The following PTPN13 variants were observed in gnomAD, a reference collection of about 807,000 sequenced individuals.
PTPN13 encodes protein tyrosine phosphatase non-receptor type 13, also known as tyrosine-protein phosphatase non-receptor type 13.
Under a neutral mutation model 284.0 loss-of-function variants are expected in PTPN13, and 191 were observed. That is an observed-to-expected ratio of 0.67 (90% CI 0.60 to 0.76). PTPN13 has a LOEUF of 0.76. Among genes scored for constraint, PTPN13 ranks in the 30% least tolerant of loss-of-function variants. The pLI is 0.00. For missense variants in PTPN13, 2,797 were observed against 2,939.9 expected, an observed-to-expected ratio of 0.95 and a Z score of 1.12; for synonymous variants, 986 against 1,022.3, an observed-to-expected ratio of 0.96 and a Z score of 0.68.
intron 3 of PTPN13, among the ~76,000 whole-genome samples, chr4:86,686,307 A>T (rs1565322250): frequency 6.6e-6 from 1 of 151,946 alleles, no homozygotes; most frequent in Non-Finnish European, 1.5e-5. Flanking sequence ...GTGAGCCGAG[A>T]TTGTGCCACT....
chr4:86,604,727 A>G (rs1041310630), intron 1 of PTPN13, among the ~76,000 whole-genome samples: 2 of 151,970 alleles, frequency 1.3e-5, no homozygotes, highest in African/African-American at 4.8e-5. Context: ...AAATACATTT[A>G]TTTTTTTAAT....
At chr4:86,787,458 G>A (rs1245238015) in intron 40 of PTPN13, among the ~76,000 whole-genome samples, 1 of 151,996 alleles carries the variant, frequency 6.6e-6, no homozygotes, top group Non-Finnish European at 1.5e-5. Flanking sequence ...CGGGCAAGGT[G>A]GTACATGCCT....
intron 1 of PTPN13, among the ~76,000 whole-genome samples, chr4:86,624,551 A>G (rs577717677): frequency 6.6e-6 from 1 of 152,282 alleles, no homozygotes; most frequent in South Asian, 2.1e-4. Context: ...TGAGCATGGT[A>G]AGGAAGTATT....
intron 1 of PTPN13, among the ~76,000 whole-genome samples, chr4:86,600,932 TGTCA>T (rs1398219189): frequency 4.6e-5 from 7 of 152,110 alleles, no homozygotes; most frequent in Non-Finnish European, 1.0e-4. Flanking sequence ...TAAATTCCCT[TGTCA>T]GTGTCTTTTA....
At chr4:86,648,883 C>T (rs75983921) in intron 2 of PTPN13, among the ~76,000 whole-genome samples, 7,045 of 152,196 alleles carry the variant, frequency 0.046, 218 homozygotes, top group African/African-American at 0.06. Context: ...CTTATCCTCA[C>T]CAACATTTAT....
At chr4:86,682,927 G>A (rs1225897137) in intron 3 of PTPN13, among the ~76,000 whole-genome samples, 4 of 152,136 alleles carry the variant, frequency 2.6e-5, no homozygotes, top group Admixed American at 2.0e-4. Flanking sequence ...GTATTACCAT[G>A]TTATTTTAAC....
chr4:86,750,560 G>A lies in PTPN13; in HGVS notation c.2741G>A (p.Ser914Asn), dbSNP rs1737269460. The A allele has an allele frequency of 6.2e-7, 1 of 1,613,828 alleles. No individual in the cohort carries two copies. The highest frequency in any genetic ancestry group is 1.3e-5 in the African/African-American group (1 of 74,900). ...GCAATCAGCACTGGCAGTCTGGCCA[G>A]CAGCACCCTCAACAAACTTGCTGTT... Reference protein sequence around the residue: ...GRAISTGSLASSTLNKLAVRP... With the variant: ...GRAISTGSLANSTLNKLAVRP... The change falls in exon 18 of 48, where the codon AGC (serine) becomes AAC (asparagine). Residue 914 changes from serine (S) to asparagine (N), a missense_variant. Transcript: ENST00000411767.
At position 86,782,181 on chromosome 4, in the gene PTPN13, T is replaced by A; in HGVS notation, c.5963-20T>A. ...GGTTTGGATTGGCTCATCCCCTTAC[T>A]TCCTATATTGTCCTTTCAGGTTCCT... On this transcript the variant is annotated intron_variant, in intron 36 of 47. Transcript: ENST00000411767. 6.4e-7 allele frequency: 1 copy of A among 1,569,564 alleles called. No individual in the cohort carries two copies.
chr4:86,687,910 A>G (rs1016808758), intron 4 of PTPN13, among the ~76,000 whole-genome samples: 1 of 152,154 alleles, frequency 6.6e-6, no homozygotes, highest in African/African-American at 2.4e-5. Context: ...GATATTTTGG[A>G]AATATTTAAT....
intron 10 of PTPN13, among the ~76,000 whole-genome samples, chr4:86,729,625 TC>T (rs2149118462): frequency 6.7e-6 from 1 of 149,916 alleles, no homozygotes; most frequent in South Asian, 2.1e-4. Context: ...TTCCACTTGA[TC>T]AAATCAGCTA....
intron 3 of PTPN13, among the ~76,000 whole-genome samples, chr4:86,680,652 C>G (rs1166981455): frequency 1.3e-5 from 2 of 152,066 alleles, no homozygotes; most frequent in African/African-American, 4.8e-5. Context: ...GGGTCTTTTC[C>G]CCTCAAAAAC....
chr4:86,780,518 T>C, intron 36 of PTPN13, 46 bp downstream of exon 36: 1 of 1,284,740 alleles, frequency 7.8e-7, no homozygotes, highest in Non-Finnish European at 1.1e-6. Flanking sequence ...GTAATGGGAA[T>C]GTAAAATGGC....
Position 86,805,350 on chromosome 4 carries a change from A to T in PTPN13, c.6726A>T (p.Arg2242Ser), listed in dbSNP as rs751062609. The change falls in exon 44 of 48, where the codon AGA becomes AGT. Residue 2242 changes from arginine to serine, a missense_variant. Arg to Ser is a moderately radical substitution (Grantham distance 110). Transcript: ENST00000411767. ...GQTKENRRKN[R>S]YKNILPYDAT... ...CTAAGGAAAACAGAAGGAAGAACAG[A>T]TATAAAAATATACTTCCCTGTAAGT... 6.3e-7 allele frequency: 1 copy of T among 1,587,204 alleles called. No individual in the cohort carries two copies. Among genetic ancestry groups the T allele is most frequent in the South Asian group, 1.1e-5 (1 of 89,444 alleles).
chr4:86,730,570 G>A (rs963760624), intron 10 of PTPN13, among the ~76,000 whole-genome samples: 2 of 149,910 alleles, frequency 1.3e-5, no homozygotes, highest in Admixed American at 6.7e-5. Flanking sequence ...AGATTGCTGC[G>A]CTAGCAGTGA....
At chr4:86,621,268 T>A (rs907363436) in intron 1 of PTPN13, among the ~76,000 whole-genome samples, 2 of 152,302 alleles carry the variant, frequency 1.3e-5, no homozygotes, top group African/African-American at 4.8e-5. Flanking sequence ...TATTTAAAAA[T>A]TTTTTATCTC....
In PTPN13 at chr4:86,612,165, A is replaced by T. The variant is rs550219757; in HGVS notation, c.-6+17376A>T. 3.0e-4 allele frequency among the ~76,000 whole-genome samples: 46 copies of T among 152,300 alleles called. No individual in the cohort carries two copies. In the South Asian group the frequency reaches 8.9e-3, roughly 29 times the overall value. ...TAATTTAACTTCAAGCCTGAGCAAAACTCAAAAATATTTACAAATATTTTA... is the reference window on the plus strand; with the variant it reads ...TAATTTAACTTCAAGCCTGAGCAAATCTCAAAAATATTTACAAATATTTTA... On this transcript the variant is annotated intron_variant, in intron 1 of 47. Transcript: ENST00000411767.
intron 26 of PTPN13, among the ~76,000 whole-genome samples, chr4:86,766,163 C>G (rs191630403): frequency 8.5e-5 from 13 of 152,312 alleles, no homozygotes; most frequent in African/African-American, 3.1e-4. Context: ...TAACTAGGAA[C>G]TTTCCTCCAA....
At chr4:86,732,273 C>T in intron 10 of PTPN13, 127 bp from the exon 11 acceptor site, 1 of 749,172 alleles carries the variant, frequency 1.3e-6, no homozygotes, top group Non-Finnish European at 2.1e-6. Flanking sequence ...TGTTTTAGAT[C>T]ACCTAGTTCT....
At chr4:86,765,041 TTA>T (rs1298693238) in intron 25 of PTPN13, among the ~76,000 whole-genome samples, 2 of 152,184 alleles carry the variant, frequency 1.3e-5, no homozygotes, top group African/African-American at 4.8e-5. Flanking sequence ...TGAGCATAGA[TTA>T]TATATCTCTA....
Sources: allele counts gnomAD v4.1 joint callset (sites outside exome capture counted in the v4.1 genomes callset), GRCh38; gene constraint gnomAD v4.1.1; transcripts MANE v1.5; gene names NCBI Gene and HGNC (gene_info 2026-07-23, HGNC 2026-07-21).